NCAM2: variants seen among roughly 807,000 people sequenced by gnomAD.
NCAM2 encodes the protein N-CAM-2.
NCAM2 carries 30 observed loss-of-function variants against 98.1 expected under a neutral mutation model. The observed-to-expected ratio is 0.31, with a 90% CI of 0.23 to 0.41. NCAM2 has a LOEUF of 0.41. Ranked by LOEUF, NCAM2 falls within the 10% of genes least tolerant of loss-of-function variation. NCAM2 has a pLI of 1.00. For missense variants in NCAM2, 867 were observed against 1,005.8 expected (o/e 0.86, Z 1.87); for synonymous variants, 368 against 342.4 (o/e 1.07, Z -0.83).
intron 5 of NCAM2, among the ~76,000 whole-genome samples, chr21:21,317,999 T>A (rs1033362664): frequency 2.0e-5 from 3 of 152,150 alleles, no homozygotes; most frequent in African/African-American, 7.2e-5. Context: ...AGAAAGACTT[T>A]TGGATAAGGA....
At chr21:21,013,279 C>T (rs2064242608) in intron 1 of NCAM2, among the ~76,000 whole-genome samples, 1 of 152,146 alleles carries the variant, frequency 6.6e-6, no homozygotes, top group South Asian at 2.1e-4. Context: ...CCAGTGAATA[C>T]ACAAATAAGA....
intron 12 of NCAM2, among the ~76,000 whole-genome samples, chr21:21,441,052 A>T (rs1275313237): frequency 6.6e-6 from 1 of 152,204 alleles, no homozygotes; most frequent in Non-Finnish European, 1.5e-5. Flanking sequence ...ATTTTCAAAC[A>T]TACTTTTCTC....
intron 6 of NCAM2, among the ~76,000 whole-genome samples, chr21:21,333,201 G>T (rs893241213): frequency 4.6e-5 from 7 of 152,098 alleles, no homozygotes; most frequent in African/African-American, 1.7e-4. Flanking sequence ...GAGTAATAAA[G>T]CATTGGTAAT....
intron 1 of NCAM2, among the ~76,000 whole-genome samples, chr21:21,009,853 C>G (rs538089892): frequency 6.8e-6 from 1 of 146,572 alleles, no homozygotes; most frequent in African/African-American, 2.5e-5. Flanking sequence ...TTTCATTTAA[C>G]CTCAAAAATC....
chr21:21,287,435 C>G (rs1028932711), intron 4 of NCAM2, among the ~76,000 whole-genome samples: 2 of 151,880 alleles, frequency 1.3e-5, no homozygotes, highest in Non-Finnish European at 2.9e-5. Flanking sequence ...AGAAATAACA[C>G]TTTATTTCCT....
intron 1 of NCAM2, among the ~76,000 whole-genome samples, chr21:21,142,384 T>TTC (rs990273440): frequency 1.4e-5 from 2 of 142,484 alleles, no homozygotes; most frequent in African/African-American, 5.2e-5. Flanking sequence ...TATGTTTTTT[T>TTC]TTTTTTTTTT....
chr21:21,213,869 A>T (rs915470443), intron 1 of NCAM2, among the ~76,000 whole-genome samples: 10 of 152,156 alleles, frequency 6.6e-5, no homozygotes, highest in African/African-American at 2.4e-4. Flanking sequence ...TTTAGGGGTG[A>T]CAGGAGGATG....
intron 1 of NCAM2, among the ~76,000 whole-genome samples, chr21:21,264,852 G>A (rs1172806209): frequency 5.1e-5 from 7 of 138,068 alleles, no homozygotes; most frequent in East Asian, 2.1e-4. Flanking sequence ...ACATGCACAC[G>A]CACACACGTG....
intron 1 of NCAM2, among the ~76,000 whole-genome samples, chr21:21,159,521 A>C (rs996388135): frequency 6.6e-6 from 1 of 152,150 alleles, no homozygotes; most frequent in African/African-American, 2.4e-5. Context: ...TTGTATGTTT[A>C]GATACACAAA....
intron 1 of NCAM2, among the ~76,000 whole-genome samples, chr21:21,030,587 C>T (rs1017291350): frequency 1.3e-5 from 2 of 152,152 alleles, no homozygotes; most frequent in African/African-American, 4.8e-5. Context: ...TTGAGTTAGG[C>T]AACATTCACA....
chr21:21,347,944 G>T (rs981160879), intron 8 of NCAM2, among the ~76,000 whole-genome samples: 1 of 151,932 alleles, frequency 6.6e-6, no homozygotes, highest in African/African-American at 2.4e-5. Flanking sequence ...AAAAAACTGG[G>T]AATAGAAGGA....
chr21:21,411,851 T>C (rs2145924468), intron 10 of NCAM2, among the ~76,000 whole-genome samples: 1 of 152,332 alleles, frequency 6.6e-6, no homozygotes, highest in South Asian at 2.1e-4. Context: ...CATAGCTGGC[T>C]GGTTGGTAAT....
At chr21:21,251,240 G>A (rs1420298167) in intron 1 of NCAM2, among the ~76,000 whole-genome samples, 1 of 152,104 alleles carries the variant, frequency 6.6e-6, no homozygotes, top group Admixed American at 6.6e-5. Context: ...GTGCCATGGT[G>A]GTTTGCTGCA....
intron 16 of NCAM2, among the ~76,000 whole-genome samples, chr21:21,531,387 CTGAT>C (rs1161710663): frequency 6.6e-6 from 1 of 152,126 alleles, no homozygotes; most frequent in Middle Eastern, 3.2e-3. Context: ...GCAGGTAACA[CTGAT>C]TGAGTGTGGC....
chr21:21,044,995 T>C (rs1254852092), intron 1 of NCAM2, among the ~76,000 whole-genome samples: 1 of 152,124 alleles, frequency 6.6e-6, no homozygotes, highest in Non-Finnish European at 1.5e-5. Flanking sequence ...AAAATACATA[T>C]ATATCTATAT....
chr21:21,040,112 T>C (rs151094140), intron 1 of NCAM2, among the ~76,000 whole-genome samples: 2 of 152,308 alleles, frequency 1.3e-5, no homozygotes, highest in Non-Finnish European at 2.9e-5. Flanking sequence ...CTCCTCTTAC[T>C]AGGCTAACAG....
At position 21,468,979 on chromosome 21, in the gene NCAM2, A is replaced by G. The variant is rs566331489; in HGVS notation, c.1896+196A>G. 3.9e-5 allele frequency among the ~76,000 whole-genome samples: 6 copies of G among 152,056 alleles called. No homozygotes were observed. In the South Asian group the frequency reaches 1.2e-3, roughly 31 times the overall value. On this transcript the variant is annotated intron_variant, in intron 14 of 17. Coordinates refer to ENST00000400546, the MANE Select transcript of NCAM2 (RefSeq NM_004540.5). The stretch of plus-strand genomic sequence containing the variant: ...TGTAAAATCTAAGCATGGATCATCA[A>G]AGTATTCTCATGGTTTTCATCTTAT...
chr21:21,005,825 A>G (rs552553269), intron 1 of NCAM2, among the ~76,000 whole-genome samples: 14 of 152,038 alleles, frequency 9.2e-5, no homozygotes, highest in African/African-American at 3.4e-4. Flanking sequence ...AAAAAACCCT[A>G]AAAACTGACA....
At chr21:21,159,081 G>T (rs914947226) in intron 1 of NCAM2, among the ~76,000 whole-genome samples, 2 of 152,050 alleles carry the variant, frequency 1.3e-5, no homozygotes, top group Non-Finnish European at 2.9e-5. Context: ...AATGGCTAAT[G>T]TGTGTTTGTG....
Sources: gnomAD v4.1 joint callset for allele counts (sites outside exome capture counted in the v4.1 genomes callset) on GRCh38, gnomAD v4.1.1 for gene constraint, MANE v1.5 for transcripts, NCBI Gene and HGNC (gene_info 2026-07-23, HGNC 2026-07-21) for gene names.